The following PRKN variants were observed in gnomAD, a reference collection of about 807,000 sequenced individuals.
PRKN encodes parkin RBR E3 ubiquitin protein ligase.
A neutral mutation model predicts 59.5 loss-of-function variants in PRKN; 56 were observed. The ratio of observed to expected loss-of-function variants is 0.94; its 90% confidence interval spans 0.76 to 1.18. The LOEUF (loss-of-function observed/expected upper bound fraction) is 1.18, where lower values mean the gene tolerates loss of function less well. PRKN is among the 50% of genes most tolerant of loss of function. The probability of loss-of-function intolerance (pLI) is 0.00; values close to 1 mark genes in which losing one functional copy is unlikely to be tolerated. For synonymous variants in PRKN, 250 were observed against 222.1 expected, an observed-to-expected ratio of 1.13 and a Z score of -1.12; for missense variants, 657 against 596.4, an observed-to-expected ratio of 1.10 and a Z score of -1.06.
At chr6:162,722,713 G>A (rs1374578110) in intron 1 of PRKN, among the ~76,000 whole-genome samples, 2 of 152,154 alleles carry the variant, frequency 1.3e-5, no homozygotes, top group African/African-American at 2.4e-5. Context: ...AGAAACTTTG[G>A]AGGTAGGAAT....
chr6:162,425,925 A>T (rs753047888), intron 2 of PRKN, among the ~76,000 whole-genome samples: 18 of 152,382 alleles, frequency 1.2e-4, no homozygotes, highest in Non-Finnish European at 1.9e-4. Flanking sequence ...CATGGATGTG[A>T]TAGCGACTAA....
chr6:161,521,406 T>A (rs1778820432), intron 9 of PRKN, among the ~76,000 whole-genome samples: 1 of 152,170 alleles, frequency 6.6e-6, no homozygotes, highest in African/African-American at 2.4e-5. Flanking sequence ...TAAAGTTCCA[T>A]GGAAATTATG....
At chr6:162,100,454 C>CTT (rs377594454) in intron 4 of PRKN, among the ~76,000 whole-genome samples, 19 of 143,894 alleles carry the variant, frequency 1.3e-4, no homozygotes, top group Non-Finnish European at 1.7e-4. Flanking sequence ...TCTTTCTTGT[C>CTT]TTTTTTTTTT....
At chr6:162,305,604 G>A (rs1782186612) in intron 2 of PRKN, among the ~76,000 whole-genome samples, 1 of 152,118 alleles carries the variant, frequency 6.6e-6, no homozygotes, top group South Asian at 2.1e-4. Flanking sequence ...AGAAAACTAT[G>A]AGTGCATGAC....
chr6:162,470,799 C>T (rs1424409520), intron 1 of PRKN, among the ~76,000 whole-genome samples: 2 of 151,858 alleles, frequency 1.3e-5, no homozygotes, highest in African/African-American at 4.8e-5. Context: ...TTCTGTGGCC[C>T]AGGCTGGAAT....
chr6:162,044,563 G>A (rs1388186371), intron 5 of PRKN, among the ~76,000 whole-genome samples: 1 of 152,196 alleles, frequency 6.6e-6, no homozygotes, highest in Non-Finnish European at 1.5e-5. Flanking sequence ...TTCTTGACAA[G>A]TTCAAAGTCA....
Position 161,994,561 on chromosome 6 carries a change from T to C in PRKN, c.619-21144A>G, listed in dbSNP as rs552006267. Among the ~76,000 whole-genome samples, 486 of 152,120 alleles carry C rather than the reference T, an allele frequency of 3.2e-3. 2 individuals are homozygous for C. Among genetic ancestry groups the C allele is most frequent in the African/African-American group, 0.012 (480 of 41,512 alleles). On this transcript the variant is annotated intron_variant, in intron 5 of 11. Coordinates refer to ENST00000366898, the MANE Select transcript of PRKN (RefSeq NM_004562.3). ...TCTTTGCAGACAACATGATCTTATA[T>C]ACAGAAAAACCTAGACTCCACCAAA...
chr6:162,270,198 A>G (rs1231396084), intron 2 of PRKN: 1 of 152,238 alleles, frequency 6.6e-6, no homozygotes, highest in East Asian at 1.9e-4. Flanking sequence ...AAAGGAATGA[A>G]TTAATGGCAT....
chr6:161,980,530 A>C (rs1209091921), intron 5 of PRKN, among the ~76,000 whole-genome samples: 2 of 152,198 alleles, frequency 1.3e-5, no homozygotes, highest in Non-Finnish European at 2.9e-5. Context: ...CAGAGAAAGG[A>C]AGCCACTTGA....
At chr6:162,262,800 A>G (rs77914530) in intron 2 of PRKN, 35 bp from the exon 3 acceptor site, 1 of 1,597,244 alleles carries the variant, frequency 6.3e-7, no homozygotes. Flanking sequence ...AAAAAAAAAA[A>G]AAAGGAAATG....
chr6:162,418,858 G>C (rs1396111827), intron 2 of PRKN, among the ~76,000 whole-genome samples: 2 of 150,756 alleles, frequency 1.3e-5, no homozygotes, highest in Non-Finnish European at 2.9e-5. Context: ...CCCCTTCTCA[G>C]GAGGAGGGGA....
At chr6:161,516,500 GAAGA>G (rs1469460206) in intron 9 of PRKN, among the ~76,000 whole-genome samples, 2,309 of 101,220 alleles carry the variant, frequency 0.023, 78 homozygotes, top group African/African-American at 0.038. Context: ...AAAAGAAGAA[GAAGA>G]AAGAAGAAAG....
chr6:162,389,926 C>A (rs1787074483), intron 2 of PRKN, among the ~76,000 whole-genome samples: 1 of 152,162 alleles, frequency 6.6e-6, no homozygotes, highest in South Asian at 2.1e-4. Flanking sequence ...TTGGCCTTTG[C>A]CTGTCTAATT....
At chr6:162,459,912 G>C (rs897878246) in intron 1 of PRKN, among the ~76,000 whole-genome samples, 6 of 152,212 alleles carry the variant, frequency 3.9e-5, no homozygotes, top group Non-Finnish European at 8.8e-5. Flanking sequence ...ACACACTGCA[G>C]GTGGGAATGT....
At chr6:162,432,210 G>A (rs10945831) in intron 2 of PRKN, among the ~76,000 whole-genome samples, 29,341 of 152,016 alleles carry the variant, frequency 0.19, 3,208 homozygotes, top group Non-Finnish European at 0.23. Flanking sequence ...TATGACATAA[G>A]CAATATTAAA....
At chr6:161,898,535 A>G (rs1777750206) in intron 6 of PRKN, among the ~76,000 whole-genome samples, 1 of 152,198 alleles carries the variant, frequency 6.6e-6, no homozygotes, top group African/African-American at 2.4e-5. Flanking sequence ...CCTCACAGCC[A>G]TCGTTTATGG....
In PRKN at chr6:161,530,468, C is replaced by T. The variant is rs1182816016; in HGVS notation, c.1083+18386G>A. Among the ~76,000 whole-genome samples, 3 of 152,086 alleles carry T rather than the reference C, an allele frequency of 2.0e-5. No homozygotes were observed. Among genetic ancestry groups the T allele is most frequent in the Admixed American group, 1.3e-4 (2 of 15,278 alleles). Reference sequence around the variant, plus strand: ...GGAGACCAGCAGGAATTGGAGCAGCCTCATTCCGTGTCGAAGAAGACCTAT... The same window carrying T: ...GGAGACCAGCAGGAATTGGAGCAGCTTCATTCCGTGTCGAAGAAGACCTAT... On this transcript the variant is annotated intron_variant, in intron 9 of 11. Coordinates refer to ENST00000366898, the MANE Select transcript of PRKN (RefSeq NM_004562.3). This position sits in a 1 kb window ranked among gnomAD's most constrained non-coding sequence, Gnocchi z 5.0.
At chr6:162,480,039 T>C in intron 1 of PRKN, among the ~76,000 whole-genome samples, 1 of 150,456 alleles carries the variant, frequency 6.6e-6, no homozygotes, top group African/African-American at 2.5e-5. Context: ...CACTCCAGCC[T>C]GGGTGAGAGA....
Position 162,727,672 on chromosome 6 carries a change from C to T in PRKN, c.-4G>A, listed in dbSNP as rs746696823. On this transcript the variant is annotated 5_prime_UTR_variant, in exon 1 of 12. Coordinates refer to ENST00000366898, the MANE Select transcript of PRKN (RefSeq NM_004562.3). ...CAGGTACCCACGTACCTATCATGGT[C>T]ACTGGGTAGGTGGCGGCTGCGGGCC... is the stretch of plus-strand genomic sequence containing the variant. The T allele has an allele frequency of 8.9e-6, 14 of 1,581,820 alleles. No individual in the cohort carries two copies. Among genetic ancestry groups the T allele is most frequent in the Non-Finnish European group, 1.2e-5 (14 of 1,165,052 alleles).
Sources: gnomAD v4.1 joint callset for allele counts (sites outside exome capture counted in the v4.1 genomes callset) on GRCh38, gnomAD v4.1.1 for gene constraint, Gnocchi (gnomAD v3.1) non-coding constraint, MANE v1.5 for transcripts, NCBI Gene and HGNC (gene_info 2026-07-23, HGNC 2026-07-21) for gene names.